BCAS3: variants seen among roughly 807,000 people sequenced by gnomAD.
BCAS3 encodes the protein BCAS4/BCAS3 fusion.
BCAS3 carries 53 observed loss-of-function variants against 116.1 expected under a neutral mutation model. That is an observed-to-expected ratio of 0.46 (90% CI 0.37 to 0.57). BCAS3 has a LOEUF of 0.57. Among genes scored for constraint, BCAS3 ranks in the 20% least tolerant of loss-of-function variants. The pLI is 0.00. For missense variants in BCAS3, 917 were observed against 1,165.4 expected (o/e 0.79, Z 3.10); for synonymous variants, 391 against 408.2 (o/e 0.96, Z 0.51).
At position 61,118,345 on chromosome 17, in the gene BCAS3, A is replaced by AG. The variant is rs1180210423; in HGVS notation, c.2425+33784dup. 6.6e-6 allele frequency among the ~76,000 whole-genome samples: 1 copy of AG among 152,224 alleles called. No homozygotes were observed. Among genetic ancestry groups the AG allele is most frequent in the African/African-American group, 2.4e-5 (1 of 41,454 alleles). On this transcript the variant is annotated intron_variant, in intron 22 of 23. Transcript: ENST00000407086. This position sits in a 1 kb window ranked among gnomAD's most constrained non-coding sequence, Gnocchi z 5.0. ...TGGATGATACAGTCAAAGTCCAAAAAGGGATTCTCCCCTAGACCTCTTTCA... is the reference window on the plus strand; with the variant it reads ...TGGATGATACAGTCAAAGTCCAAAAAGGGGATTCTCCCCTAGACCTCTTTCA...
In BCAS3 at chr17:61,034,841, T is replaced by G. The variant is rs1265938239; in HGVS notation, c.1762+51T>G. ...TGCTCTATTTGTAATTTTTGCTTCT[T>G]AAGGAAAATTTTTAGCAGTTTCCCT... On this transcript the variant is annotated intron_variant, in intron 17 of 23. Coordinates refer to ENST00000407086, the MANE Select transcript of BCAS3 (RefSeq NM_017679.5). The surrounding 1 kb of genome is among the most constrained non-coding windows in gnomAD (Gnocchi z 5.0). 1 of 1,538,762 alleles carries G rather than the reference T, an allele frequency of 6.5e-7. No homozygotes were observed. Among genetic ancestry groups the G allele is most frequent in the Admixed American group, 2.1e-5 (1 of 47,402 alleles).
At chr17:60,999,267 C>T (rs1300827058) in intron 15 of BCAS3, among the ~76,000 whole-genome samples, 1 of 152,022 alleles carries the variant, frequency 6.6e-6, no homozygotes. Flanking sequence ...AGGTCAGGCG[C>T]GGTGGCTCAC....
chr17:61,351,459 G>T (rs2057840525), intron 22 of BCAS3, among the ~76,000 whole-genome samples: 1 of 152,188 alleles, frequency 6.6e-6, no homozygotes, highest in African/African-American at 2.4e-5. Context: ...ATTTTTGAAT[G>T]ATCTGTCATA....
At position 61,151,952 on chromosome 17, in the gene BCAS3, G is replaced by A. The variant is rs1403921522; in HGVS notation, c.2425+67388G>A. Among the ~76,000 whole-genome samples the A allele has an allele frequency of 1.3e-5, 2 of 152,178 alleles. No individual in the cohort carries two copies. The highest frequency in any genetic ancestry group is 2.9e-5 in the Non-Finnish European group (2 of 68,034). The stretch of plus-strand genomic sequence containing the variant: ...CCACATAGTGACACAGTACCGGAAG[G>A]GCAAGGATTCTCTGTGTGCCCAGGG... On this transcript the variant is annotated intron_variant, in intron 22 of 23. Coordinates refer to ENST00000407086, the MANE Select transcript of BCAS3 (RefSeq NM_017679.5). The surrounding 1 kb of genome is among the most constrained non-coding windows in gnomAD (Gnocchi z 4.8).
chr17:61,194,190 G>A (rs918470448), intron 22 of BCAS3, among the ~76,000 whole-genome samples: 9 of 152,146 alleles, frequency 5.9e-5, no homozygotes, highest in African/African-American at 1.4e-4. Flanking sequence ...CTATTAGCTC[G>A]TATTAGTGGT....
chr17:61,354,528 A>G lies in BCAS3; in HGVS notation c.2426-13799A>G, dbSNP rs554834253. 3.1e-4 allele frequency: 48 copies of G among 152,394 alleles called. No homozygotes were observed. The highest frequency in any genetic ancestry group is 1.2e-3 in the African/African-American group (48 of 41,528). The allele number at this position is 152,394 out of a possible 1,614,324, so 9.4% of individuals were successfully genotyped here. ...GTAAGTGACCCCTCCATTGTCCAAA[A>G]CAGTGCTGCTGCTTAGCCTGCTCTT... On this transcript the variant is annotated intron_variant, in intron 22 of 23. Coordinates refer to ENST00000407086, the MANE Select transcript of BCAS3 (RefSeq NM_017679.5). The surrounding 1 kb of genome is among the most constrained non-coding windows in gnomAD (Gnocchi z 4.5).
chr17:61,042,492 A>G (rs2067591921), intron 19 of BCAS3, among the ~76,000 whole-genome samples: 2 of 151,978 alleles, frequency 1.3e-5, no homozygotes, highest in Non-Finnish European at 2.9e-5. Context: ...CAGAACAACA[A>G]AAATCCCCAG....
chr17:61,064,209 T>C (rs2070371296), intron 19 of BCAS3, among the ~76,000 whole-genome samples: 1 of 152,060 alleles, frequency 6.6e-6, no homozygotes, highest in Admixed American at 6.6e-5. Flanking sequence ...GACAGGAGGA[T>C]CACTTGAGGC....
intron 15 of BCAS3, chr17:61,003,768 A>C (rs952364597): frequency 3.3e-5 from 5 of 152,236 alleles, no homozygotes; most frequent in Non-Finnish European, 5.9e-5. Context: ...ATTATTTAAT[A>C]ATTCATTTTT....
rs190168369 is a variant in BCAS3, at chr17:60,849,595, A to G, written c.477-18981A>G. 3.6e-3 allele frequency among the ~76,000 whole-genome samples: 547 copies of G among 152,302 alleles called. 3 individuals carry two copies. Among genetic ancestry groups the G allele is most frequent in the African/African-American group, 0.013 (527 of 41,554 alleles). On this transcript the variant is annotated intron_variant, in intron 7 of 23. Transcript: ENST00000407086. ...AGATTTTCTCTCAAGGAAAGCTATT[A>G]TTATAACTTGTAGCTCAGGTTCAAC...
intron 22 of BCAS3, among the ~76,000 whole-genome samples, chr17:61,143,454 A>G (rs1031756608): frequency 6.6e-6 from 1 of 152,226 alleles, no homozygotes; most frequent in Non-Finnish European, 1.5e-5. Context: ...TTTAAAGAAA[A>G]ATAGAGGTAA....
rs556589427 is a variant in BCAS3 at position 61,235,572 on chromosome 17, C to T, written c.2426-132755C>T. 3.4e-4 allele frequency among the ~76,000 whole-genome samples: 52 copies of T among 152,172 alleles called. No individual in the cohort carries two copies. The highest frequency in any genetic ancestry group is 1.2e-3 in the African/African-American group (51 of 41,506). On this transcript the variant is annotated intron_variant, in intron 22 of 23. Transcript: ENST00000407086. The surrounding 1 kb of genome is among the most constrained non-coding windows in gnomAD (Gnocchi z 5.0). ...ACAGTGAAATATGAGATTCCTGAGC[C>T]TTTAGTGGATGCTGAGCTGGAGACC...
At chr17:61,014,239 GATT>G (rs2065294029) in intron 15 of BCAS3, among the ~76,000 whole-genome samples, 1 of 152,016 alleles carries the variant, frequency 6.6e-6, no homozygotes. Context: ...AGAGTTGTTG[GATT>G]ACAGGCACTG....
At chr17:60,806,290 G>T (rs66782568) in intron 6 of BCAS3, among the ~76,000 whole-genome samples, 8,732 of 152,212 alleles carry the variant, frequency 0.057, 440 homozygotes, top group African/African-American at 0.13. Context: ...TTTCATCCTT[G>T]CCTTCACATC....
At position 61,239,495 on chromosome 17, in the gene BCAS3, A is replaced by G. The variant is rs2083304489; in HGVS notation, c.2426-128832A>G. Reference sequence around the variant, plus strand: ...TATGAAGCTTTTGGAAATTTGGTCTAGTGATGAGTAATTCTTTCTTTCTGA... The same window carrying G: ...TATGAAGCTTTTGGAAATTTGGTCTGGTGATGAGTAATTCTTTCTTTCTGA... On this transcript the variant is annotated intron_variant, in intron 22 of 23. Coordinates refer to ENST00000407086, the MANE Select transcript of BCAS3 (RefSeq NM_017679.5). This position sits in a 1 kb window ranked among gnomAD's most constrained non-coding sequence, Gnocchi z 4.2. 6.6e-6 allele frequency among the ~76,000 whole-genome samples: 1 copy of G among 152,222 alleles called. No individual in the cohort carries two copies. The highest frequency in any genetic ancestry group is 6.5e-5 in the Admixed American group (1 of 15,278).
intron 3 of BCAS3, among the ~76,000 whole-genome samples, chr17:60,689,461 G>A (rs1277402307): frequency 1.3e-5 from 2 of 152,086 alleles, no homozygotes; most frequent in African/African-American, 4.8e-5. Flanking sequence ...CAGGTGCCTA[G>A]CCTGCAGTTC....
intron 14 of BCAS3, among the ~76,000 whole-genome samples, chr17:60,972,474 G>T (rs2062026232): frequency 7.0e-6 from 1 of 143,332 alleles, no homozygotes; most frequent in Admixed American, 6.9e-5. Flanking sequence ...TTTGAGACAG[G>T]GTCTTGCTCT....
At chr17:61,107,937 A>G (rs1279789650) in intron 22 of BCAS3, among the ~76,000 whole-genome samples, 1 of 152,260 alleles carries the variant, frequency 6.6e-6, no homozygotes, top group African/African-American at 2.4e-5. Context: ...GAAACTTCCA[A>G]ACTATTTTCC....
intron 6 of BCAS3, 75 bp downstream of exon 6, chr17:60,747,354 A>G: frequency 6.6e-6 from 8 of 1,217,194 alleles, no homozygotes; most frequent in African/African-American, 1.5e-5. Flanking sequence ...ACAGGCAGCA[A>G]GAATGATAAC....
Sources: allele counts gnomAD v4.1 joint callset (sites outside exome capture counted in the v4.1 genomes callset), GRCh38; gene constraint gnomAD v4.1.1; non-coding constraint Gnocchi (gnomAD v3.1); transcripts MANE v1.5; gene names NCBI Gene and HGNC (gene_info 2026-07-23, HGNC 2026-07-21).